Variants in BAG3 observed in about 807,000 individuals in gnomAD.
The protein encoded by BAG3 is BAG family molecular chaperone regulator 3.
A neutral mutation model predicts 40.5 loss-of-function variants in BAG3; 14 were observed. The ratio of observed to expected loss-of-function variants is 0.35; its 90% CI spans 0.23 to 0.54. The LOEUF (loss-of-function observed/expected upper bound fraction) is 0.54, where lower values mean the gene tolerates loss of function less well. BAG3 is among the 20% of genes least tolerant of loss of function. BAG3 has a pLI of 0.91. For missense variants in BAG3, 788 were observed against 758.6 expected (o/e 1.04, Z -0.46); for synonymous variants, 302 against 307.8 (o/e 0.98, Z 0.20).
At chr10:119,654,659 G>A (rs1033233500) in intron 1 of BAG3, among the ~76,000 whole-genome samples, 5 of 152,204 alleles carry the variant, frequency 3.3e-5, no homozygotes, top group African/African-American at 1.2e-4. Flanking sequence ...CAGTCTTCCT[G>A]GATTTTGATT....
At chr10:119,673,088 C>T (rs958062750) in intron 3 of BAG3, among the ~76,000 whole-genome samples, 2 of 152,160 alleles carry the variant, frequency 1.3e-5, no homozygotes, top group Non-Finnish European at 2.9e-5. Flanking sequence ...TCATTCCCAC[C>T]CCTGTGCCTT....
At position 119,672,087 on chromosome 10, in the gene BAG3, C is replaced by T. The variant is rs1847157257; in HGVS notation, c.508-168C>T. On this transcript the variant is annotated intron_variant, in intron 2 of 3. Coordinates refer to ENST00000369085, the MANE Select transcript of BAG3 (RefSeq NM_004281.4). The surrounding 1 kb of genome is among the most constrained non-coding windows in gnomAD (Gnocchi z 4.8). ...TACAGGTGTGAGCCACCGCGCCCAGCCCCAGAGCTCTCAGTCTTAACCGCA... is the reference window on the plus strand; with the variant it reads ...TACAGGTGTGAGCCACCGCGCCCAGTCCCAGAGCTCTCAGTCTTAACCGCA... Among the ~76,000 whole-genome samples, 1 of 152,204 alleles carries T rather than the reference C, an allele frequency of 6.6e-6. No homozygotes were observed. The highest frequency in any genetic ancestry group is 2.1e-4 in the South Asian group (1 of 4,836).
At chr10:119,668,197 G>T (rs964630369) in intron 1 of BAG3, among the ~76,000 whole-genome samples, 1 of 152,264 alleles carries the variant, frequency 6.6e-6, no homozygotes, top group African/African-American at 2.4e-5. Context: ...CCCTCCAAGG[G>T]CAGGGTCTCA....
rs1214063551 is a variant in BAG3, at chr10:119,670,145, G to A, written c.475G>A (p.Ala159Thr). Residue 159 changes from alanine (A) to threonine (T), a missense_variant, in exon 2 of 4, where the codon GCA becomes ACA. By Grantham distance (58) the Ala-to-Thr change is moderately conservative. Transcript: ENST00000369085. The stretch of plus-strand genomic sequence containing the variant: ...GTGTGGACAGGTGGCAGCGGCGGCG[G>A]CAGCCCAGCCCCCAGCCTCCCACGG... ...KQCGQVAAAAAAQPPASHGPE... is the reference protein window; with the variant it reads ...KQCGQVAAAATAQPPASHGPE... 1 of 1,611,864 alleles carries A rather than the reference G, an allele frequency of 6.2e-7. No individual in the cohort carries two copies. Among genetic ancestry groups the A allele is most frequent in the South Asian group, 1.1e-5 (1 of 91,036 alleles).
intron 1 of BAG3, among the ~76,000 whole-genome samples, chr10:119,653,719 C>T (rs1397139939): frequency 2.0e-5 from 3 of 152,098 alleles, no homozygotes; most frequent in Non-Finnish European, 4.4e-5. Context: ...TTATGTTAGG[C>T]TTCTTTATTT....
intron 1 of BAG3, among the ~76,000 whole-genome samples, chr10:119,660,783 C>G (rs934541389): frequency 1.3e-5 from 2 of 151,912 alleles, no homozygotes; most frequent in South Asian, 4.1e-4. Context: ...CCATCAATAA[C>G]TATTTGTGGA....
chr10:119,675,792 CCCCTTCCCCT>C, intron 3 of BAG3, among the ~76,000 whole-genome samples: 1 of 95,772 alleles, frequency 1.0e-5, no homozygotes, highest in African/African-American at 4.1e-5. Flanking sequence ...CCTCCCTTCC[CCCCTTCCCCT>C]TCCCCCCTTC....
chr10:119,652,448 T>C (rs1232528697), intron 1 of BAG3, among the ~76,000 whole-genome samples: 1 of 152,234 alleles, frequency 6.6e-6, no homozygotes, highest in Non-Finnish European at 1.5e-5. Flanking sequence ...TTCATATATA[T>C]ATGTGTGTGT....
chr10:119,663,566 G>A (rs1847021080), intron 1 of BAG3, among the ~76,000 whole-genome samples: 2 of 151,938 alleles, frequency 1.3e-5, no homozygotes, highest in East Asian at 1.9e-4. Flanking sequence ...CACCCGCCTC[G>A]GCCTCCCAAA....
At position 119,663,068 on chromosome 10, in the gene BAG3, A is replaced by G. The variant is rs983969651; in HGVS notation, c.181-6783A>G. 2.0e-4 allele frequency among the ~76,000 whole-genome samples: 31 copies of G among 152,214 alleles called. 1 individual carries two copies. Among genetic ancestry groups the G allele is most frequent in the Admixed American group, 5.9e-4 (9 of 15,290 alleles). ...TACCATGGAGCCAAGATTGGGGCTCACAGAAGGTGCCCATTTTCGGGTTTC... is the reference window on the plus strand; with the variant it reads ...TACCATGGAGCCAAGATTGGGGCTCGCAGAAGGTGCCCATTTTCGGGTTTC... On this transcript the variant is annotated intron_variant, in intron 1 of 3. Transcript: ENST00000369085.
Position 119,675,292 on chromosome 10 carries a change from C to T in BAG3, c.910-1172C>T, listed in dbSNP as rs145929951. The stretch of plus-strand genomic sequence containing the variant: ...AGGCTGCATTGAGCTGTGATAGCCC[C>T]GCTGCACTCCAGCCTGGGCAACAGA... On this transcript the variant is annotated intron_variant, in intron 3 of 3. Transcript: ENST00000369085. Among the ~76,000 whole-genome samples the T allele has an allele frequency of 3.0e-3, 453 of 152,170 alleles. 16 individuals are homozygous for T. The highest frequency in any genetic ancestry group is 0.027 in the Admixed American group (416 of 15,286).
At position 119,676,845 on chromosome 10, in the gene BAG3, A is replaced by G. The variant is rs1374652846; in HGVS notation, c.1291A>G (p.Lys431Glu). Residue 431 changes from lysine to glutamate, a missense_variant, in exon 4 of 4, where the codon AAG (lysine) becomes GAG (glutamate). Physicochemically the swap from Lys to Glu is moderately conservative, Grantham distance 56. Coordinates refer to ENST00000369085, the MANE Select transcript of BAG3 (RefSeq NM_004281.4). Reference sequence around the variant, plus strand: ...GCTGAAAGTGGAAGCCATCCTGGAGAAGGTACAGGGGCTGGAGCAGGCTGT... The same window carrying G: ...GCTGAAAGTGGAAGCCATCCTGGAGGAGGTACAGGGGCTGGAGCAGGCTGT... Reference protein sequence around the residue: ...GVLKVEAILEKVQGLEQAVDN... With the variant: ...GVLKVEAILEEVQGLEQAVDN... The G allele has an allele frequency of 3.4e-5, 55 of 1,614,042 alleles. No individual in the cohort carries two copies. Among genetic ancestry groups the G allele is most frequent in the Non-Finnish European group, 4.2e-5 (50 of 1,180,024 alleles).
chr10:119,653,426 C>T (rs772151312), intron 1 of BAG3, among the ~76,000 whole-genome samples: 24 of 152,164 alleles, frequency 1.6e-4, no homozygotes, highest in Admixed American at 6.5e-4. Context: ...TATCTGTTGG[C>T]AGCCTTTGTT....
intron 1 of BAG3, among the ~76,000 whole-genome samples, chr10:119,655,887 G>C (rs1184016855): frequency 6.6e-6 from 1 of 151,984 alleles, no homozygotes; most frequent in Non-Finnish European, 1.5e-5. Context: ...CAGGACCTGC[G>C]GCAGCGTTTG....
chr10:119,655,200 G>A (rs759246617), intron 1 of BAG3, among the ~76,000 whole-genome samples: 1 of 152,246 alleles, frequency 6.6e-6, no homozygotes, highest in East Asian at 1.9e-4. Context: ...CCCCAGGTAC[G>A]CGGGCTTCTG....
chr10:119,662,358 C>T (rs1375051620), intron 1 of BAG3, among the ~76,000 whole-genome samples: 2 of 151,812 alleles, frequency 1.3e-5, no homozygotes, highest in Admixed American at 1.3e-4. Flanking sequence ...TGTAAGCCAC[C>T]ACGCCCAGTT....
At chr10:119,674,006 TC>T (rs1847186222) in intron 3 of BAG3, among the ~76,000 whole-genome samples, 1 of 152,238 alleles carries the variant, frequency 6.6e-6, no homozygotes, top group South Asian at 2.1e-4. Context: ...CATTTTTGAA[TC>T]TTTTTTATAG....
At chr10:119,667,808 G>T (rs996996401) in intron 1 of BAG3, among the ~76,000 whole-genome samples, 10 of 152,172 alleles carry the variant, frequency 6.6e-5, no homozygotes, top group African/African-American at 2.4e-4. Context: ...GCTTTTGTGC[G>T]TGGCTGGGAA....
chr10:119,664,705 G>A (rs1029932907), intron 1 of BAG3, among the ~76,000 whole-genome samples: 1 of 152,190 alleles, frequency 6.6e-6, no homozygotes, highest in Non-Finnish European at 1.5e-5. Context: ...AGAGATGCTG[G>A]TGTAACCAAG....
Sources: allele counts gnomAD v4.1 joint callset (sites outside exome capture counted in the v4.1 genomes callset), GRCh38; gene constraint gnomAD v4.1.1; non-coding constraint Gnocchi (gnomAD v3.1); transcripts MANE v1.5; gene names NCBI Gene and HGNC (gene_info 2026-07-23, HGNC 2026-07-21).